ANXA8: variants seen among roughly 807,000 people sequenced by gnomAD.
The protein encoded by ANXA8 is annexin A8, also known as VAC-beta.
Under a neutral mutation model 26.8 loss-of-function variants are expected in ANXA8, and 9 were observed. The observed-to-expected ratio is 0.34, with a 90% CI of 0.20 to 0.59. ANXA8 has a LOEUF of 0.59. Among genes scored for constraint, ANXA8 ranks in the 20% least tolerant of loss-of-function variants. The pLI, the probability that ANXA8 is intolerant of heterozygous loss-of-function variation, is 0.84. For synonymous variants in ANXA8, 39 were observed against 94.8 expected, an observed-to-expected ratio of 0.41 and a Z score of 3.42; for missense variants, 83 against 238.5, an observed-to-expected ratio of 0.35 and a Z score of 4.29.
At chr10:47,535,053 C>T in the ANXA8 span, among the ~76,000 whole-genome samples, 1 of 114,708 alleles carries the variant, frequency 8.7e-6, no homozygotes, top group African/African-American at 4.2e-5. Context: ...CGGCTCACTG[C>T]AGCCTCCGCC....
chr10:47,667,862 C>T, the ANXA8 span, among the ~76,000 whole-genome samples: 14 of 151,946 alleles, frequency 9.2e-5, no homozygotes, highest in Non-Finnish European at 1.3e-4. Context: ...CTCAGCTTCC[C>T]GAGTAGCTGA....
At chr10:47,693,398 T>C in the ANXA8 span, among the ~76,000 whole-genome samples, 2 of 151,506 alleles carry the variant, frequency 1.3e-5, no homozygotes, top group African/African-American at 4.9e-5. Context: ...CACGCCATTT[T>C]CCTGCCTCAG....
chr10:47,676,657 G>A, the ANXA8 span, among the ~76,000 whole-genome samples: 2 of 151,686 alleles, frequency 1.3e-5, no homozygotes, highest in South Asian at 4.1e-4. Flanking sequence ...CAGGCACGGT[G>A]GCTCACACCT....
the ANXA8 span, among the ~76,000 whole-genome samples, chr10:47,623,596 CCT>C: frequency 6.3e-5 from 7 of 110,288 alleles, 3 homozygotes; most frequent in Non-Finnish European, 1.4e-4. Flanking sequence ...TTATATTTTT[CCT>C]TCAACAAAGT....
At chr10:47,554,464 C>T in the ANXA8 span, among the ~76,000 whole-genome samples, 2 of 151,190 alleles carry the variant, frequency 1.3e-5, no homozygotes, top group Non-Finnish European at 2.9e-5. Context: ...TAGCATCTTG[C>T]CATTTTCTTC....
At chr10:47,639,317 T>TTA in the ANXA8 span, among the ~76,000 whole-genome samples, 23 of 76,274 alleles carry the variant, frequency 3.0e-4, no homozygotes, top group African/African-American at 5.8e-4. Flanking sequence ...TATTATTATT[T>TTA]TTTTTTTTTT....
Position 47,474,366 on chromosome 10 carries a change from C to T in ANXA8, c.585G>A (p.Gly195=). 1.3e-6 allele frequency: 2 copies of T among 1,534,568 alleles called. No homozygotes were observed. The highest frequency in any genetic ancestry group is 1.8e-6 in the Non-Finnish European group (2 of 1,137,222). The change falls in exon 8 of 12, where the codon GGG becomes GGA. Residue 195 remains glycine (G), a synonymous_variant. Coordinates refer to ENST00000585281, the MANE Select transcript of ANXA8 (RefSeq NM_001040084.3). ...TGGTGATGAATTTCATCTCATCAGTCCCACGAATCTTCTCGCCTGCCGCAT... is the reference window on the plus strand; with the variant it reads ...TGGTGATGAATTTCATCTCATCAGTTCCACGAATCTTCTCGCCTGCCGCAT... ...DLYAAGEKIR[G]TDEMKFITIL...
the ANXA8 span, among the ~76,000 whole-genome samples, chr10:47,969,683 C>T: frequency 6.8e-6 from 1 of 147,892 alleles, no homozygotes; most frequent in African/African-American, 2.5e-5. Flanking sequence ...GGGGGCTTAG[C>T]CTGTCTAATA....
chr10:47,701,200 TAAA>T, the ANXA8 span, among the ~76,000 whole-genome samples: 6 of 141,350 alleles, frequency 4.2e-5, no homozygotes, highest in African/African-American at 1.6e-4. Flanking sequence ...TTGGCAAAAT[TAAA>T]AAAAAAAAAA....
the ANXA8 span, among the ~76,000 whole-genome samples, chr10:47,765,779 T>C: frequency 3.3e-5 from 5 of 150,212 alleles, no homozygotes; most frequent in Non-Finnish European, 7.4e-5. Context: ...CCAGCTGTTG[T>C]CTTCCAGGCT....
chr10:47,587,636 C>A, the ANXA8 span, among the ~76,000 whole-genome samples: 1 of 147,140 alleles, frequency 6.8e-6, no homozygotes, highest in South Asian at 2.1e-4. Context: ...CCCCAAGTTC[C>A]AATAGATAAA....
the ANXA8 span, among the ~76,000 whole-genome samples, chr10:47,687,290 T>C: frequency 6.8e-6 from 1 of 148,020 alleles, no homozygotes; most frequent in Non-Finnish European, 1.5e-5. Flanking sequence ...TGAGACAGAG[T>C]CTCACTCTGT....
the ANXA8 span, among the ~76,000 whole-genome samples, chr10:47,596,043 A>G: frequency 2.1e-5 from 3 of 142,434 alleles, no homozygotes; most frequent in Non-Finnish European, 4.5e-5. Context: ...AATAAAAACA[A>G]TCAAATAATA....
the ANXA8 span, chr10:47,690,973 T>C: frequency 6.2e-7 from 1 of 1,611,292 alleles, no homozygotes; most frequent in Non-Finnish European, 8.5e-7. Flanking sequence ...TGTGTCTGAA[T>C]TTAAGAGTAT....
At chr10:47,503,006 T>C in the ANXA8 span, 3 of 1,598,636 alleles carry the variant, frequency 1.9e-6, no homozygotes, top group Non-Finnish European at 2.6e-6. Flanking sequence ...CTGAAGCATA[T>C]GGAGTCACCC....
chr10:47,983,397 A>G, the ANXA8 span, among the ~76,000 whole-genome samples: 4 of 141,608 alleles, frequency 2.8e-5, no homozygotes, highest in Non-Finnish European at 4.6e-5. Context: ...TAAGAGACAG[A>G]ATTGATTAGG....
At chr10:47,679,686 A>G in the ANXA8 span, among the ~76,000 whole-genome samples, 3 of 151,790 alleles carry the variant, frequency 2.0e-5, no homozygotes, top group Non-Finnish European at 4.4e-5. Flanking sequence ...TGGGAGGTCA[A>G]GGTAGGATGA....
chr10:47,546,398 T>C, the ANXA8 span, among the ~76,000 whole-genome samples: 484 of 5,996 alleles, frequency 0.081, 5 homozygotes, highest in African/African-American at 0.21. Flanking sequence ...TAAGACCAAT[T>C]TTTTTTTTTT....
At chr10:47,735,010 ACT>A in the ANXA8 span, among the ~76,000 whole-genome samples, 2 of 125,692 alleles carry the variant, frequency 1.6e-5, no homozygotes, top group Admixed American at 7.8e-5. Context: ...ACAGAGTGAG[ACT>A]CTGTTTAAAA....
Sources: gnomAD v4.1 joint callset for allele counts (sites outside exome capture counted in the v4.1 genomes callset) on GRCh38, gnomAD v4.1.1 for gene constraint, MANE v1.5 for transcripts, NCBI Gene and HGNC (gene_info 2026-07-23, HGNC 2026-07-21) for gene names.